The following LYPD4 variants were observed in gnomAD, a reference collection of about 807,000 sequenced individuals.
LYPD4 encodes LY6/PLAUR domain containing 4, also known as ly6/PLAUR domain-containing protein 4.
LYPD4 carries 20 observed loss-of-function variants against 18.2 expected under a neutral mutation model. The ratio of observed to expected loss-of-function variants is 1.10; its 90% CI spans 0.77 to 1.59. The LOEUF (loss-of-function observed/expected upper bound fraction) is 1.59. Among genes scored for constraint, LYPD4 ranks in the 40% most tolerant of loss-of-function variants. LYPD4 has a pLI of 0.00. For missense variants in LYPD4, 278 were observed against 300.3 expected, an observed-to-expected ratio of 0.93 and a Z score of 0.55; for synonymous variants, 111 against 118.3, an observed-to-expected ratio of 0.94 and a Z score of 0.40.
chr19:41,843,488 C>T (rs2073718388), intron 1 of LYPD4, 90 bp downstream of exon 1: 1 of 152,110 alleles, frequency 6.6e-6, no homozygotes, highest in African/African-American at 2.4e-5. Context: ...TCTCTCTCCA[C>T]TACCTAAAGG....
chr19:41,837,421 C>T (rs2073402878), intron 4 of LYPD4, 76 bp from the exon 5 acceptor site: 1 of 1,506,658 alleles, frequency 6.6e-7, no homozygotes, highest in Admixed American at 1.7e-5. Context: ...TGCAGTGGCT[C>T]ACACCTGTAA....
At chr19:41,839,508 C>G (rs1277935712) in intron 1 of LYPD4, 103 bp from the exon 2 acceptor site, 15 of 571,066 alleles carry the variant, frequency 2.6e-5, no homozygotes, top group Non-Finnish European at 1.6e-5. Flanking sequence ...CCAGTCTAAC[C>G]TGCACCATCC....
At chr19:41,838,390 T>C (rs932460529) in intron 3 of LYPD4, 129 bp from the exon 4 acceptor site, 3 of 749,182 alleles carry the variant, frequency 4.0e-6, no homozygotes, top group African/African-American at 3.6e-5. Flanking sequence ...AACCCCTGTG[T>C]CCACTCAGTG....
In LYPD4 at chr19:41,844,633, G is replaced by A. The variant is rs939511722; in HGVS notation, c.-1176C>T. 1 of 152,358 alleles carries A rather than the reference G, an allele frequency of 6.6e-6. No individual in the cohort carries two copies. The highest frequency in any genetic ancestry group is 2.1e-4 in the South Asian group (1 of 4,838). The allele number at this position is 152,358 out of a possible 1,614,324, so 9.4% of individuals were successfully genotyped here. A position where few individuals can be genotyped will look rare whatever the true frequency, so the allele number is the denominator to read the frequency against. The stretch of plus-strand genomic sequence containing the variant: ...AGCCACGCGCGAAGTCGAGGTACAA[G>A]GCAAGGGAAGGCCAGAAACGAGGCA... On this transcript the variant is annotated 5_prime_UTR_variant, in exon 1 of 5. Coordinates refer to ENST00000609812, the MANE Select transcript of LYPD4 (RefSeq NM_173506.7).
intron 1 of LYPD4, among the ~76,000 whole-genome samples, chr19:41,842,960 G>A (rs1194271146): frequency 7.0e-6 from 1 of 142,358 alleles, no homozygotes; most frequent in East Asian, 2.1e-4. Flanking sequence ...CACTTTGGGA[G>A]GCCAAGGCAG....
At chr19:41,843,068 AAAAAAAAAAC>A (rs2073688465) in intron 1 of LYPD4, among the ~76,000 whole-genome samples, 2 of 40,776 alleles carry the variant, frequency 4.9e-5, no homozygotes, top group South Asian at 2.1e-3. Flanking sequence ...AAAAAAAAAA[AAAAAAAAAAC>A]CCCAACAACA....
chr19:41,835,828 C>T (rs1555830184), downstream of LYPD4: 2 of 985,426 alleles, frequency 2.0e-6, no homozygotes, highest in East Asian at 1.1e-4. Context: ...AGGTCAGCTC[C>T]GTGGCCTTGA....
At chr19:41,841,192 G>A (rs1489372230) in intron 1 of LYPD4, among the ~76,000 whole-genome samples, 1 of 152,136 alleles carries the variant, frequency 6.6e-6, no homozygotes, top group Non-Finnish European at 1.5e-5. Context: ...AGTGCTTTGG[G>A]AGGCTGAGCC....
At chr19:41,836,968 G>A (rs2073385401), downstream of LYPD4, 5 of 1,277,998 alleles carry the variant, frequency 3.9e-6, no homozygotes, top group Non-Finnish European at 5.2e-6. Flanking sequence ...GCAGGACACT[G>A]TCACTTTGCC....
At chr19:41,838,381 A>T in intron 3 of LYPD4, 120 bp from the exon 4 acceptor site, 2 of 808,396 alleles carry the variant, frequency 2.5e-6, no homozygotes, top group African/African-American at 1.8e-5. Flanking sequence ...TCCCTCCCCA[A>T]CCCCTGTGTC....
intron 4 of LYPD4, 53 bp downstream of exon 4, chr19:41,837,882 A>G: frequency 6.6e-7 from 1 of 1,507,798 alleles, no homozygotes; most frequent in Admixed American, 2.0e-5. Flanking sequence ...AAGGTGCTGG[A>G]CAATGCCTGG....
At chr19:41,840,817 G>T (rs565326480) in intron 1 of LYPD4, among the ~76,000 whole-genome samples, 1 of 147,822 alleles carries the variant, frequency 6.8e-6, no homozygotes, top group Non-Finnish European at 1.5e-5. Context: ...ACGACAGAGC[G>T]AAACTCCGTC....
At chr19:41,843,093 T>A (rs1555834104) in intron 1 of LYPD4, among the ~76,000 whole-genome samples, 53 of 98,202 alleles carry the variant, frequency 5.4e-4, no homozygotes, top group South Asian at 2.6e-3. Flanking sequence ...ACAACAACAC[T>A]ACACACATCC....
chr19:41,838,164 A>T lies in LYPD4; in HGVS notation c.309T>A (p.Ile103=). ...SYLVSPPGVS[I]ASYSRVCRSY... ...ACCGGCAGACGCGACTGTAGGAGGC[A>T]ATGGACACTCCGGGTGGGGAAACAA... The change falls in exon 4 of 5, where the codon ATT becomes ATA. Residue 103 remains isoleucine (I), a synonymous_variant. Coordinates refer to ENST00000609812, the MANE Select transcript of LYPD4 (RefSeq NM_173506.7). 1 of 1,609,378 alleles carries T rather than the reference A, an allele frequency of 6.2e-7. No individual in the cohort carries two copies. Among genetic ancestry groups the T allele is most frequent in the Non-Finnish European group, 8.5e-7 (1 of 1,176,604 alleles).
In LYPD4 at chr19:41,839,290, C is replaced by T; in HGVS notation, c.-5G>A. The T allele has an allele frequency of 6.2e-7, 1 of 1,614,178 alleles. No individual in the cohort carries two copies. Among genetic ancestry groups the T allele is most frequent in the South Asian group, 1.1e-5 (1 of 91,088 alleles). On this transcript the variant is annotated 5_prime_UTR_variant, in exon 2 of 5. Coordinates refer to ENST00000609812, the MANE Select transcript of LYPD4 (RefSeq NM_173506.7). ...TCTCAAATGCTGGGGTCCCATGGCC[C>T]TGTGTCTGGGTCCTGGGTGCTAGAG...
Position 41,839,015 on chromosome 19 carries a change from G to A in LYPD4, c.77C>T (p.Ala26Val). 6.2e-7 allele frequency: 1 copy of A among 1,613,336 alleles called. No individual in the cohort carries two copies. The highest frequency in any genetic ancestry group is 8.5e-7 in the Non-Finnish European group (1 of 1,179,910). The stretch of plus-strand genomic sequence containing the variant: ...GGCTGTTGCTTCATAGCACAAAAGA[G>A]CTCCAGCCCCTAAAAAGAGAATGCT... ...GAISTLPRAGALLCYEATASR... is the reference protein window; with the variant it reads ...GAISTLPRAGVLLCYEATASR... The change falls in exon 3 of 5, where the codon GCT becomes GTT. Residue 26 changes from alanine (A) to valine (V), a missense_variant. Physicochemically the swap from Ala to Val is moderately conservative, Grantham distance 64 (BLOSUM62 0). Transcript: ENST00000609812.
intron 1 of LYPD4, among the ~76,000 whole-genome samples, chr19:41,841,665 CAAA>C (rs587607752): frequency 1.4e-4 from 12 of 85,546 alleles, no homozygotes; most frequent in Admixed American, 2.3e-4. Context: ...GACCCTGTCT[CAAA>C]AAAAAAAAAA....
intron 4 of LYPD4, 24 bp downstream of exon 4, chr19:41,837,911 T>A (rs782163498): frequency 8.9e-6 from 14 of 1,572,088 alleles, no homozygotes; most frequent in Non-Finnish European, 1.2e-5. Context: ...AGGCATTTGA[T>A]AAACAATATT....
Position 41,842,764 on chromosome 19 carries a change from C to CAAAA in LYPD4, c.-121+810_-121+813dup, listed in dbSNP as rs782233081. 4.1e-3 allele frequency among the ~76,000 whole-genome samples: 203 copies of CAAAA among 49,804 alleles called. 14 individuals carry two copies. The highest frequency in any genetic ancestry group is 9.4e-3 in the African/African-American group (82 of 8,678). The allele number at this position is 49,804 out of a possible 152,430, so 32.7% of individuals were successfully genotyped here. A position where few individuals can be genotyped will look rare whatever the true frequency, so the allele number is the denominator to read the frequency against. ...CAATAAGAGTGAAACTCCGTCTAAA[C>CAAAA]AAAAAAAAAAAAAAAAAAAAAAAAA... On this transcript the variant is annotated intron_variant, in intron 1 of 4. Transcript: ENST00000609812.
Sources: allele counts gnomAD v4.1 joint callset (sites outside exome capture counted in the v4.1 genomes callset), GRCh38; gene constraint gnomAD v4.1.1; transcripts MANE v1.5; gene names NCBI Gene and HGNC (gene_info 2026-07-23, HGNC 2026-07-21).